VPS50: variants seen among roughly 807,000 people sequenced by gnomAD.
The protein encoded by VPS50 is VPS50 subunit of EARP/GARPII complex.
VPS50 carries 70 observed loss-of-function variants against 139.7 expected under a neutral mutation model. That is an observed-to-expected ratio of 0.50 (90% CI 0.41 to 0.61). The LOEUF (loss-of-function observed/expected upper bound fraction) is 0.61. Ranked by LOEUF, VPS50 falls within the 20% of genes least tolerant of loss-of-function variation. VPS50 has a pLI of 0.00. For missense variants in VPS50, 921 were observed against 1,133.7 expected, an observed-to-expected ratio of 0.81 and a Z score of 2.69; for synonymous variants, 365 against 376.7, an observed-to-expected ratio of 0.97 and a Z score of 0.36.
At chr7:93,264,500 T>C (rs548597349) in intron 9 of VPS50, among the ~76,000 whole-genome samples, 1 of 152,358 alleles carries the variant, frequency 6.6e-6, no homozygotes. Flanking sequence ...GGGAGCCTGA[T>C]AGCTTTTGTA....
chr7:93,254,064 G>C lies in VPS50; in HGVS notation c.297+133G>C, dbSNP rs1352778281. 6.2e-6 allele frequency: 3 copies of C among 484,736 alleles called. No individual in the cohort carries two copies. In the East Asian group the frequency reaches 9.5e-5, roughly 15 times the overall value. 30.0% of individuals were successfully genotyped at this position (484,736 alleles called of 1,614,324 possible). A position where few individuals can be genotyped will look rare whatever the true frequency, so the allele number is the denominator to read the frequency against. On this transcript the variant is annotated intron_variant, in intron 4 of 27. Coordinates refer to ENST00000305866, the MANE Select transcript of VPS50 (RefSeq NM_017667.4). ...ACAAATCTTGTTATTTAACATGACT[G>C]ATTCAAATGATGCATTTACATTAAA... is the stretch of plus-strand genomic sequence containing the variant.
rs1796823022 is a variant in VPS50, at chr7:93,296,753, A to G, written c.1179A>G (p.Leu393=). Residue 393 remains leucine (L), a synonymous_variant, in exon 15 of 28, where the codon CTA becomes CTG. Transcript: ENST00000305866. The part of the protein sequence containing the change: ...GLTRIWQDVQ[L]KVKTYLLGTD... ...TCTTTGCCTTACAGGATGTTCAGCT[A>G]AAAGTAAAAACCTACTTGCTTGGAA... 6.2e-7 allele frequency: 1 copy of G among 1,601,744 alleles called. No homozygotes were observed. Among genetic ancestry groups the G allele is most frequent in the Non-Finnish European group, 8.5e-7 (1 of 1,177,342 alleles).
chr7:93,323,817 A>G (rs1797688898), intron 21 of VPS50, 85 bp downstream of exon 21: 1 of 625,512 alleles, frequency 1.6e-6, no homozygotes, highest in Non-Finnish European at 2.4e-6. Context: ...TCTATAGAAG[A>G]TACACAAATA....
At chr7:93,244,083 T>A (rs1795078930) in intron 2 of VPS50, among the ~76,000 whole-genome samples, 1 of 151,802 alleles carries the variant, frequency 6.6e-6, no homozygotes, top group African/African-American at 2.4e-5. Context: ...TTTTTTTTCG[T>A]GAAAGAAAAA....
At chr7:93,318,802 C>A (rs1797507447) in intron 20 of VPS50, among the ~76,000 whole-genome samples, 1 of 152,124 alleles carries the variant, frequency 6.6e-6, no homozygotes, top group Non-Finnish European at 1.5e-5. Flanking sequence ...TTATGGAACT[C>A]CTACACTCTT....
rs777013664 is a variant in VPS50, at chr7:93,239,954, A to G, written c.102+20A>G. The G allele has an allele frequency of 4.1e-6, 6 of 1,469,966 alleles. No homozygotes were observed. Among genetic ancestry groups the G allele is most frequent in the Non-Finnish European group, 5.7e-6 (6 of 1,051,572 alleles). 91.1% of individuals were successfully genotyped at this position (1,469,966 alleles called of 1,614,324 possible). A position where few individuals can be genotyped will look rare whatever the true frequency, so the allele number is the denominator to read the frequency against. On this transcript the variant is annotated intron_variant, in intron 2 of 27. Transcript: ENST00000305866. ...GGAAAGGTATTGAGCTACACGTGTG[A>G]GCGTGACTTTTTACTTCCTTAAGAA...
chr7:93,313,546 G>A (rs2116995796), intron 20 of VPS50, among the ~76,000 whole-genome samples: 1 of 152,236 alleles, frequency 6.6e-6, no homozygotes, highest in Non-Finnish European at 1.5e-5. Flanking sequence ...TTCTTGGTAG[G>A]CATAAGGGAA....
At chr7:93,256,479 T>A in intron 4 of VPS50, 30 bp from the exon 5 acceptor site, 1 of 1,097,022 alleles carries the variant, frequency 9.1e-7, no homozygotes, top group Non-Finnish European at 1.3e-6. Flanking sequence ...TGTTCTTTTA[T>A]TTCCTTTGTT....
At chr7:93,289,457 G>C (rs1400722941) in intron 12 of VPS50, among the ~76,000 whole-genome samples, 2 of 151,936 alleles carry the variant, frequency 1.3e-5, no homozygotes, top group East Asian at 3.9e-4. Context: ...ATATTTTACA[G>C]AGTTGTCATT....
chr7:93,265,921 A>G (rs1012052351), intron 9 of VPS50, among the ~76,000 whole-genome samples: 1 of 152,208 alleles, frequency 6.6e-6, no homozygotes, highest in Non-Finnish European at 1.5e-5. Flanking sequence ...ACAGACATCT[A>G]GTTAGATCCA....
chr7:93,243,820 A>G (rs763224216), intron 2 of VPS50, among the ~76,000 whole-genome samples: 3 of 151,952 alleles, frequency 2.0e-5, no homozygotes, highest in Non-Finnish European at 4.4e-5. Context: ...TAAAAATACC[A>G]GTATTCAGAA....
chr7:93,320,304 A>T, intron 20 of VPS50: 1 of 147,370 alleles, frequency 6.8e-6, no homozygotes, highest in African/African-American at 2.5e-5. Context: ...TTTTTTTTTA[A>T]GTTCGTTTGC....
chr7:93,344,460 T>A (rs1433417834), intron 23 of VPS50, among the ~76,000 whole-genome samples: 4 of 152,174 alleles, frequency 2.6e-5, no homozygotes, highest in African/African-American at 9.7e-5. Flanking sequence ...GGAATTGAAC[T>A]CAGCTCTGCA....
intron 12 of VPS50, among the ~76,000 whole-genome samples, chr7:93,284,195 C>T (rs189307730): frequency 6.6e-6 from 1 of 152,210 alleles, no homozygotes; most frequent in East Asian, 1.9e-4. Flanking sequence ...AGTGGGAAAC[C>T]GTTTTTGGGC....
In VPS50 at chr7:93,311,161, T is replaced by A; in HGVS notation, c.1749-5T>A. ...AGCAACTCTGTTTTGTTTTTCCATA[T>A]CAAGTGTTTCTCGGGAAACTCTAAA... On this transcript the variant is annotated splice_polypyrimidine_tract_variant and splice_region_variant and intron_variant, in intron 19 of 27. Coordinates refer to ENST00000305866, the MANE Select transcript of VPS50 (RefSeq NM_017667.4). The A allele has an allele frequency of 2.8e-6, 3 of 1,086,228 alleles. No individual in the cohort carries two copies. Among genetic ancestry groups the A allele is most frequent in the Middle Eastern group, 2.0e-4 (1 of 5,042 alleles). The allele number at this position is 1,086,228 out of a possible 1,614,324, so 67.3% of individuals were successfully genotyped here. A position where few individuals can be genotyped will look rare whatever the true frequency, so the allele number is the denominator to read the frequency against.
intron 22 of VPS50, among the ~76,000 whole-genome samples, chr7:93,337,774 C>A (rs147921227): frequency 1.1e-4 from 16 of 152,208 alleles, no homozygotes; most frequent in African/African-American, 3.1e-4. Flanking sequence ...TCTGTGCTCA[C>A]TTAACCTGTA....
intron 23 of VPS50, 86 bp downstream of exon 23, chr7:93,341,661 C>A: frequency 1.3e-6 from 1 of 772,176 alleles, no homozygotes. Flanking sequence ...TTCTAGTTAG[C>A]TGCATACATC....
At chr7:93,245,419 T>C (rs1262107057) in intron 2 of VPS50, among the ~76,000 whole-genome samples, 1 of 151,870 alleles carries the variant, frequency 6.6e-6, no homozygotes, top group Non-Finnish European at 1.5e-5. Context: ...GAATAGACAG[T>C]ATTGTTTTCT....
In VPS50 at chr7:93,291,363, T is replaced by C. The variant is rs1255908385; in HGVS notation, c.943-340T>C. Among the ~76,000 whole-genome samples the C allele has an allele frequency of 1.3e-5, 2 of 152,194 alleles. 1 individual carries two copies. The highest frequency in any genetic ancestry group is 4.1e-4 in the South Asian group (2 of 4,826). ...CAGGCTATGTAAAGCTGTATTTGCA[T>C]GTTTAGGATCATGTCTTTCAAAAAA... On this transcript the variant is annotated intron_variant, in intron 12 of 27. Transcript: ENST00000305866.
Sources: gnomAD v4.1 joint callset for allele counts (sites outside exome capture counted in the v4.1 genomes callset) on GRCh38, gnomAD v4.1.1 for gene constraint, MANE v1.5 for transcripts, NCBI Gene and HGNC (gene_info 2026-07-23, HGNC 2026-07-21) for gene names.